FBXL4: variants seen among roughly 807,000 people sequenced by gnomAD.
FBXL4 encodes the protein F-box/LRR-repeat protein 4.
A neutral mutation model predicts 58.9 loss-of-function variants in FBXL4; 40 were observed. That is an observed-to-expected ratio of 0.68 (90% confidence interval 0.53 to 0.88). The LOEUF is 0.88. Among genes scored for constraint, FBXL4 ranks in the 40% least tolerant of loss-of-function variants. The probability of loss-of-function intolerance (pLI) is 0.00; values close to 1 mark genes in which losing one functional copy is unlikely to be tolerated. For synonymous variants in FBXL4, 263 were observed against 265.5 expected (o/e 0.99, Z 0.09); for missense variants, 676 against 734.4 (o/e 0.92, Z 0.92).
intron 1 of FBXL4, among the ~76,000 whole-genome samples, chr6:98,939,768 A>C (rs1015573805): frequency 3.3e-5 from 5 of 152,384 alleles, no homozygotes; most frequent in Non-Finnish European, 2.9e-5. Context: ...GGTGTTATTC[A>C]AAGTTTATGG....
At position 98,875,839 on chromosome 6, in the gene FBXL4, T is replaced by C. The variant is rs1582360082; in HGVS notation, c.1390-112A>G. Reference sequence around the variant, plus strand: ...ATTGCTTTGCTTCCATGTAAACAAATCCACATCCTTGTTAATACAGATCTG... The same window carrying C: ...ATTGCTTTGCTTCCATGTAAACAAACCCACATCCTTGTTAATACAGATCTG... On this transcript the variant is annotated intron_variant, in intron 8 of 9. Transcript: ENST00000369244. 8 of 1,047,258 alleles carry C rather than the reference T, an allele frequency of 7.6e-6. No homozygotes were observed. In the East Asian group the frequency reaches 1.7e-4, roughly 23 times the overall value. The allele number at this position is 1,047,258 out of a possible 1,614,324, so 64.9% of individuals were successfully genotyped here. A position where few individuals can be genotyped will look rare whatever the true frequency, so the allele number is the denominator to read the frequency against.
In FBXL4 at chr6:98,926,964, T is replaced by C. The variant is rs1222133977; in HGVS notation, c.25A>G (p.Thr9Ala). 6.8e-6 allele frequency: 11 copies of C among 1,613,960 alleles called. No individual in the cohort carries two copies. The Admixed American group carries it at 1.7e-4, about 24-fold the overall frequency. Residue 9 changes from threonine (T) to alanine (A), a missense_variant, in exon 4 of 10, where the codon ACA (threonine) becomes GCA (alanine). Coordinates refer to ENST00000369244, the MANE Select transcript of FBXL4 (RefSeq NM_001278716.2). ...ATATAATAAAACATGGTCAGAACTG[T>C]TAACATGGGAAAGACCGGTGACATC... Reference protein sequence around the residue: MSPVFPMLTVLTMFYYICL... With the variant: MSPVFPMLAVLTMFYYICL...
At chr6:98,875,118 G>T in intron 9 of FBXL4, 1 of 298,264 alleles carries the variant, frequency 3.4e-6, no homozygotes, top group Non-Finnish European at 6.1e-6. Context: ...AATAAAAATA[G>T]AGAGCGCAGC....
intron 1 of FBXL4, among the ~76,000 whole-genome samples, chr6:98,938,476 G>A (rs1397214990): frequency 6.6e-6 from 1 of 152,124 alleles, no homozygotes; most frequent in Non-Finnish European, 1.5e-5. Flanking sequence ...TTATAGCAAG[G>A]TATTAATACT....
chr6:98,928,313 G>T (rs1263807767), intron 2 of FBXL4, among the ~76,000 whole-genome samples: 1 of 151,934 alleles, frequency 6.6e-6, no homozygotes, highest in East Asian at 1.9e-4. Flanking sequence ...CTTCTAAGAA[G>T]GGAGATGTAC....
chr6:98,922,526 A>G (rs1772623029), intron 4 of FBXL4, among the ~76,000 whole-genome samples: 1 of 152,232 alleles, frequency 6.6e-6, no homozygotes, highest in South Asian at 2.1e-4. Context: ...GGAGTTTTCC[A>G]TCACTAAATG....
chr6:98,883,027 GA>G (rs1770907922), intron 7 of FBXL4, among the ~76,000 whole-genome samples: 1 of 151,948 alleles, frequency 6.6e-6, no homozygotes, highest in Non-Finnish European at 1.5e-5. Flanking sequence ...TAGCTCTTCT[GA>G]GTGCTTAAAT....
At chr6:98,925,357 A>G (rs1347058007) in intron 4 of FBXL4, among the ~76,000 whole-genome samples, 2 of 152,230 alleles carry the variant, frequency 1.3e-5, no homozygotes, top group Non-Finnish European at 2.9e-5. Flanking sequence ...TATGAAAATT[A>G]CAACTGTTAA....
chr6:98,895,203 T>C (rs1030574792), intron 7 of FBXL4, among the ~76,000 whole-genome samples: 11 of 152,216 alleles, frequency 7.2e-5, no homozygotes, highest in Non-Finnish European at 1.2e-4. Context: ...TAATTATGTA[T>C]TGATTCTACA....
intron 6 of FBXL4, among the ~76,000 whole-genome samples, chr6:98,900,570 C>T (rs1033485236): frequency 1.3e-5 from 2 of 152,058 alleles, no homozygotes; most frequent in East Asian, 1.9e-4. Flanking sequence ...CAGCTGTAAA[C>T]GCAGACTTGA....
intron 2 of FBXL4, 74 bp downstream of exon 2, chr6:98,934,688 T>G (rs956895950): frequency 1.3e-5 from 2 of 152,284 alleles, no homozygotes; most frequent in East Asian, 3.9e-4. Flanking sequence ...CTTCCCCAGT[T>G]AAAACATTTT....
chr6:98,926,489 G>A lies in FBXL4; in HGVS notation c.500C>T (p.Pro167Leu). 1.2e-6 allele frequency: 2 copies of A among 1,605,410 alleles called. No individual in the cohort carries two copies. The highest frequency in any genetic ancestry group is 1.7e-6 in the Non-Finnish European group (2 of 1,174,088). Reference sequence around the variant, plus strand: ...AAATTAGTCTTACCTTACTTCAGCTGGTGGATTTGGGGAATAAGGATTTGC... The same window carrying A: ...AAATTAGTCTTACCTTACTTCAGCTAGTGGATTTGGGGAATAAGGATTTGC... ...CSANPYSPNP[P>L]AEVRWEILWS... Residue 167 changes from proline (P) to leucine (L), a missense_variant, in exon 4 of 10, where the codon CCA (proline) becomes CTA (leucine). Pro to Leu is a moderately conservative substitution (Grantham distance 98). Coordinates refer to ENST00000369244, the MANE Select transcript of FBXL4 (RefSeq NM_001278716.2).
At chr6:98,930,043 T>C (rs901663336) in intron 2 of FBXL4, among the ~76,000 whole-genome samples, 10 of 152,122 alleles carry the variant, frequency 6.6e-5, no homozygotes, top group African/African-American at 1.7e-4. Context: ...TAAGAGCAAA[T>C]GTGAAAACTC....
chr6:98,895,049 C>T (rs1020602373), intron 7 of FBXL4, among the ~76,000 whole-genome samples: 1 of 152,122 alleles, frequency 6.6e-6, no homozygotes, highest in Admixed American at 6.5e-5. Context: ...CTATGGCTAA[C>T]GACTTAAGAA....
At chr6:98,877,167 T>C (rs765755654) in intron 8 of FBXL4, among the ~76,000 whole-genome samples, 1 of 152,084 alleles carries the variant, frequency 6.6e-6, no homozygotes, top group Non-Finnish European at 1.5e-5. Context: ...ATAGAGGTAA[T>C]GATTTCTAAG....
rs112698666 is a variant in FBXL4, at chr6:98,941,017, T to C, written c.-308-6138A>G. ...CTTTGAAAAACAGTTTCACGGTTTA[T>C]TATAAAGGTCCATCCGCCCTTACCA... On this transcript the variant is annotated intron_variant, in intron 1 of 9. Coordinates refer to ENST00000369244, the MANE Select transcript of FBXL4 (RefSeq NM_001278716.2). Among the ~76,000 whole-genome samples, 251 of 152,310 alleles carry C rather than the reference T, an allele frequency of 1.6e-3. 2 individuals are homozygous for C. The highest frequency in any genetic ancestry group is 5.5e-3 in the African/African-American group (230 of 41,576).
intron 1 of FBXL4, among the ~76,000 whole-genome samples, chr6:98,938,843 G>C (rs1232945950): frequency 6.6e-6 from 1 of 151,974 alleles, no homozygotes; most frequent in Non-Finnish European, 1.5e-5. Flanking sequence ...AGTACTTTGG[G>C]AGGCCAAGGC....
chr6:98,891,399 T>G (rs1057158108), intron 7 of FBXL4, among the ~76,000 whole-genome samples: 4 of 152,212 alleles, frequency 2.6e-5, no homozygotes, highest in Non-Finnish European at 4.4e-5. Flanking sequence ...TTAAAATCCT[T>G]GTGTGTGATG....
chr6:98,937,466 C>A (rs1413251191), intron 1 of FBXL4, among the ~76,000 whole-genome samples: 1 of 152,010 alleles, frequency 6.6e-6, no homozygotes, highest in African/African-American at 2.4e-5. Context: ...GTACTGTTAA[C>A]AAAATCATAA....
Sources: gnomAD v4.1 joint callset for allele counts (sites outside exome capture counted in the v4.1 genomes callset) on GRCh38, gnomAD v4.1.1 for gene constraint, MANE v1.5 for transcripts, NCBI Gene and HGNC (gene_info 2026-07-23, HGNC 2026-07-21) for gene names.